The following PGR variants were observed in gnomAD, a reference collection of about 807,000 sequenced individuals.
PGR encodes progesterone receptor, also known as nuclear receptor subfamily 3 group C member 3.
Under a neutral mutation model 76.1 loss-of-function variants are expected in PGR, and 25 were observed. The ratio of observed to expected loss-of-function variants is 0.33; its 90% CI spans 0.24 to 0.46. The LOEUF (loss-of-function observed/expected upper bound fraction) is 0.46. PGR is among the 20% of genes least tolerant of loss of function. PGR has a pLI of 1.00. For missense variants in PGR, 1,172 were observed against 1,225.3 expected (o/e 0.96, Z 0.65); for synonymous variants, 579 against 535.0 (o/e 1.08, Z -1.14).
intron 3 of PGR, among the ~76,000 whole-genome samples, chr11:101,090,142 G>A (rs1020011537): frequency 1.1e-4 from 16 of 152,084 alleles, no homozygotes; most frequent in Non-Finnish European, 1.9e-4. Flanking sequence ...AGGTTGCAGT[G>A]AGCCAAGATT....
chr11:101,092,868 T>C (rs1009760905), intron 2 of PGR, among the ~76,000 whole-genome samples: 11 of 152,308 alleles, frequency 7.2e-5, no homozygotes, highest in African/African-American at 2.6e-4. Flanking sequence ...TGACACATAA[T>C]TTTAAAAGAT....
chr11:101,085,413 C>A (rs71476663), intron 3 of PGR, among the ~76,000 whole-genome samples: 2 of 150,834 alleles, frequency 1.3e-5, no homozygotes, highest in Non-Finnish European at 2.9e-5. Flanking sequence ...ATACCAAAAT[C>A]TCTGGAATGT....
rs1309490822 is a variant in PGR at position 101,031,995 on chromosome 11, T to C, written c.*7121A>G. 3 of 232,538 alleles carry C rather than the reference T, an allele frequency of 1.3e-5. No homozygotes were observed. Among genetic ancestry groups the C allele is most frequent in the African/African-American group, 6.6e-5 (3 of 45,302 alleles). 14.4% of individuals were successfully genotyped at this position (232,538 alleles called of 1,614,324 possible). A position where few individuals can be genotyped will look rare whatever the true frequency, so the allele number is the denominator to read the frequency against. On this transcript the variant is annotated 3_prime_UTR_variant, in exon 8 of 8. Transcript: ENST00000325455. The stretch of plus-strand genomic sequence containing the variant: ...GGACAGACATGCAAAGGTAGGGATA[T>C]AGGTGGAGTGGTACAGATTGTTTGG...
Position 101,085,525 on chromosome 11 carries a change from T to TAAAAAAAAAAAAA in PGR, c.1906+6222_1906+6234dup, listed in dbSNP as rs1212568882. ...GACCTAACATCACACCTAGAGGAAC[T>TAAAAAAAAAAAAA]AAAAAAAAAAAAAAAAAAAAAAAAA... On this transcript the variant is annotated intron_variant, in intron 3 of 7. Coordinates refer to ENST00000325455, the MANE Select transcript of PGR (RefSeq NM_000926.4). 3.0e-3 allele frequency among the ~76,000 whole-genome samples: 126 copies of TAAAAAAAAAAAAA among 42,292 alleles called. 1 individual carries two copies. The highest frequency in any genetic ancestry group is 4.2e-3 in the African/African-American group (37 of 8,850). The allele number at this position is 42,292 out of a possible 152,430, so 27.7% of individuals were successfully genotyped here.
chr11:101,062,890 A>T, intron 3 of PGR, 138 bp from the exon 4 acceptor site: 1 of 597,336 alleles, frequency 1.7e-6, no homozygotes, highest in Non-Finnish European at 2.8e-6. Context: ...TAAAAGTGTT[A>T]GATATTAAAA....
chr11:101,110,538 T>C (rs2135485800), intron 2 of PGR, among the ~76,000 whole-genome samples: 1 of 152,186 alleles, frequency 6.6e-6, no homozygotes, highest in East Asian at 1.9e-4. Context: ...ACATGAGGGG[T>C]CTTGTCTCAT....
chr11:101,084,473 C>A (rs1293860960), intron 3 of PGR, among the ~76,000 whole-genome samples: 1 of 152,014 alleles, frequency 6.6e-6, no homozygotes, highest in Admixed American at 6.6e-5. Flanking sequence ...GCCTGACCAA[C>A]AAGGTAAAAC....
chr11:101,044,414 T>C (rs886186747), intron 6 of PGR, among the ~76,000 whole-genome samples: 1 of 152,160 alleles, frequency 6.6e-6, no homozygotes, highest in Non-Finnish European at 1.5e-5. Flanking sequence ...TGTGGCTGGT[T>C]TGATCTTCTA....
chr11:101,110,967 A>G (rs925578155), intron 2 of PGR, among the ~76,000 whole-genome samples: 2 of 152,194 alleles, frequency 1.3e-5, no homozygotes, highest in African/African-American at 4.8e-5. Flanking sequence ...AGTATTTTCA[A>G]TCAGGGTATG....
rs1859290546 is a variant in PGR, at chr11:101,029,666, ATTAGAG to A, written c.*9444_*9449del. ...TTTATTATCACACAGAATAACAAGA[ATTAGAG>A]TTAAATTCACAATATTTTTAAAGAA... On this transcript the variant is annotated 3_prime_UTR_variant, in exon 8 of 8. Coordinates refer to ENST00000325455, the MANE Select transcript of PGR (RefSeq NM_000926.4). The A allele has an allele frequency of 1.0e-5, 2 of 197,884 alleles. No homozygotes were observed. The highest frequency in any genetic ancestry group is 2.3e-5 in the African/African-American group (1 of 43,522). The allele number at this position is 197,884 out of a possible 1,614,324, so 12.3% of individuals were successfully genotyped here.
At chr11:101,099,256 T>C (rs1861926083) in intron 2 of PGR, among the ~76,000 whole-genome samples, 1 of 152,194 alleles carries the variant, frequency 6.6e-6, no homozygotes, top group Non-Finnish European at 1.5e-5. Context: ...TCTAGCTCCA[T>C]GCAAAATGTG....
chr11:101,093,465 ATTC>A (rs1861740077), intron 2 of PGR, among the ~76,000 whole-genome samples: 1 of 152,162 alleles, frequency 6.6e-6, no homozygotes, highest in African/African-American at 2.4e-5. Flanking sequence ...AAGATTTTCT[ATTC>A]TTTTTCTTTC....
In PGR at chr11:101,033,745, T is replaced by A. The variant is rs1225992592; in HGVS notation, c.*5371A>T. On this transcript the variant is annotated 3_prime_UTR_variant, in exon 8 of 8. Transcript: ENST00000325455. ...GTGGCAAAAAGCTTGAAACCACTGC[T>A]GTCTAAAATAATTCATAACAGTAAA... 4.8e-6 allele frequency: 1 copy of A among 206,326 alleles called. No individual in the cohort carries two copies. The highest frequency in any genetic ancestry group is 9.9e-6 in the Non-Finnish European group (1 of 101,082). 12.8% of individuals were successfully genotyped at this position (206,326 alleles called of 1,614,324 possible). A position where few individuals can be genotyped will look rare whatever the true frequency, so the allele number is the denominator to read the frequency against.
chr11:101,033,971 C>T lies in PGR; in HGVS notation c.*5145G>A, dbSNP rs887979276. On this transcript the variant is annotated 3_prime_UTR_variant, in exon 8 of 8. Coordinates refer to ENST00000325455, the MANE Select transcript of PGR (RefSeq NM_000926.4). ...ATGTCCTGAAAACTATTTACAATACCATTTAAATATTTTATTCATATCTAT... is the reference window on the plus strand; with the variant it reads ...ATGTCCTGAAAACTATTTACAATACTATTTAAATATTTTATTCATATCTAT... 8.8e-6 allele frequency: 2 copies of T among 227,166 alleles called. No homozygotes were observed. The highest frequency in any genetic ancestry group is 8.7e-6 in the Non-Finnish European group (1 of 114,422). 14.1% of individuals were successfully genotyped at this position (227,166 alleles called of 1,614,324 possible).
rs1029970751 is a variant in PGR at position 101,032,632 on chromosome 11, C to G, written c.*6484G>C. 5 of 223,722 alleles carry G rather than the reference C, an allele frequency of 2.2e-5. No homozygotes were observed. The highest frequency in any genetic ancestry group is 3.6e-5 in the Non-Finnish European group (4 of 112,074). 13.9% of individuals were successfully genotyped at this position (223,722 alleles called of 1,614,324 possible). On this transcript the variant is annotated 3_prime_UTR_variant, in exon 8 of 8. Coordinates refer to ENST00000325455, the MANE Select transcript of PGR (RefSeq NM_000926.4). ...CTCACCACGCACGTTCTGCTAATTC[C>G]TAAACTGCTTATAGATTGTGGCTTA...
intron 2 of PGR, among the ~76,000 whole-genome samples, chr11:101,123,310 G>T (rs1862735648): frequency 6.6e-6 from 1 of 152,056 alleles, no homozygotes; most frequent in Non-Finnish European, 1.5e-5. Flanking sequence ...TATCCATATT[G>T]TTGCCTGTTT....
At chr11:101,115,301 A>G (rs1862466513) in intron 2 of PGR, among the ~76,000 whole-genome samples, 1 of 152,068 alleles carries the variant, frequency 6.6e-6, no homozygotes, top group Admixed American at 6.6e-5. Flanking sequence ...CTAGCTAAAT[A>G]TGATCTTTTT....
rs143713435 is a variant in PGR at position 101,085,160 on chromosome 11, A to G, written c.1906+6600T>C. On this transcript the variant is annotated intron_variant, in intron 3 of 7. Transcript: ENST00000325455. Reference sequence around the variant, plus strand: ...TTCTTCTCATCTGTACACAGAACATATACTCCAAGATTCACCACATCCTTG... The same window carrying G: ...TTCTTCTCATCTGTACACAGAACATGTACTCCAAGATTCACCACATCCTTG... Among the ~76,000 whole-genome samples the G allele has an allele frequency of 2.6e-3, 399 of 152,308 alleles. 3 individuals carry two copies. The highest frequency in any genetic ancestry group is 9.1e-3 in the African/African-American group (380 of 41,548).
intron 2 of PGR, among the ~76,000 whole-genome samples, chr11:101,107,133 G>C (rs1862188912): frequency 6.6e-6 from 1 of 152,128 alleles, no homozygotes; most frequent in Non-Finnish European, 1.5e-5. Context: ...GACGGGTGCA[G>C]CAAACCACCA....
Sources: allele counts gnomAD v4.1 joint callset (sites outside exome capture counted in the v4.1 genomes callset), GRCh38; gene constraint gnomAD v4.1.1; transcripts MANE v1.5; gene names NCBI Gene and HGNC (gene_info 2026-07-23, HGNC 2026-07-21).